Variants in AGO2 observed in about 807,000 individuals in gnomAD.
AGO2 encodes the protein argonaute RISC catalytic component 2.
Under a neutral mutation model 102.3 loss-of-function variants are expected in AGO2, and 5 were observed. That is an observed-to-expected ratio of 0.05 (90% CI 0.03 to 0.10). The LOEUF is 0.10. Among genes scored for constraint, AGO2 ranks in the 10% least tolerant of loss-of-function variants. The pLI is 1.00. For missense variants in AGO2, 541 were observed against 1,183.7 expected (o/e 0.46, Z 7.97); for synonymous variants, 449 against 473.1 (o/e 0.95, Z 0.66).
intron 10 of AGO2, chr8:140,555,687 T>A: frequency 1.5e-6 from 1 of 664,902 alleles, no homozygotes; most frequent in East Asian, 3.0e-5. Flanking sequence ...TCTGAAAACA[T>A]TAAGGATAAT....
intron 2 of AGO2, among the ~76,000 whole-genome samples, chr8:140,578,731 A>G (rs995222508): frequency 6.6e-6 from 1 of 152,250 alleles, no homozygotes. Flanking sequence ...CCAAGCTGTT[A>G]GTGCTCGTTC....
Position 140,528,877 on chromosome 8 carries a change from C to A in AGO2, c.*3167G>T, listed in dbSNP as rs1417102381. The A allele has an allele frequency of 6.6e-6, 1 of 152,158 alleles. No homozygotes were observed. The highest frequency in any genetic ancestry group is 1.5e-5 in the Non-Finnish European group (1 of 68,036). The allele number at this position is 152,158 out of a possible 1,614,324, so 9.4% of individuals were successfully genotyped here. A position where few individuals can be genotyped will look rare whatever the true frequency, so the allele number is the denominator to read the frequency against. On this transcript the variant is annotated 3_prime_UTR_variant, in exon 19 of 19. Coordinates refer to ENST00000220592, the MANE Select transcript of AGO2 (RefSeq NM_012154.5). This position sits in a 1 kb window ranked among gnomAD's most constrained non-coding sequence, Gnocchi z 4.5. ...AGCTTTCCACCGCTCCCCTGGTGTTCGTTAATTGCGTCGTCATTACAGCAA... is the reference window on the plus strand; with the variant it reads ...AGCTTTCCACCGCTCCCCTGGTGTTAGTTAATTGCGTCGTCATTACAGCAA...
chr8:140,593,909 C>G (rs1284914054), intron 1 of AGO2, among the ~76,000 whole-genome samples: 1 of 152,210 alleles, frequency 6.6e-6, no homozygotes, highest in Non-Finnish European at 1.5e-5. Flanking sequence ...ATGCTTAAAT[C>G]AAACAAAAGG....
At chr8:140,535,372 C>T in intron 17 of AGO2, 96 bp downstream of exon 17, 6 of 1,325,794 alleles carry the variant, frequency 4.5e-6, no homozygotes, top group Non-Finnish European at 3.2e-6. Flanking sequence ...CCTCACACCA[C>T]ATCCCACGTG....
Position 140,589,009 on chromosome 8 carries a change from C to T in AGO2, c.23-3698G>A, listed in dbSNP as rs2073706703. Reference sequence around the variant, plus strand: ...GCTTCCTGTGTGAGCAACTGGGTCACAGGGAACAAAAAATTTCAGTATACA... The same window carrying T: ...GCTTCCTGTGTGAGCAACTGGGTCATAGGGAACAAAAAATTTCAGTATACA... On this transcript the variant is annotated intron_variant, in intron 1 of 18. Transcript: ENST00000220592. This position sits in a 1 kb window ranked among gnomAD's most constrained non-coding sequence, Gnocchi z 4.2. Among the ~76,000 whole-genome samples the T allele has an allele frequency of 6.6e-6, 1 of 152,196 alleles. No individual in the cohort carries two copies.
intron 4 of AGO2, among the ~76,000 whole-genome samples, chr8:140,561,877 G>T (rs1253707352): frequency 5.3e-5 from 8 of 152,230 alleles, no homozygotes; most frequent in Non-Finnish European, 2.9e-5. Context: ...GGGCTGACGC[G>T]CTGAGCTGGC....
chr8:140,624,884 A>G (rs1210913391), intron 1 of AGO2, among the ~76,000 whole-genome samples: 2 of 152,188 alleles, frequency 1.3e-5, no homozygotes, highest in Non-Finnish European at 2.9e-5. Flanking sequence ...CATCAACCAC[A>G]GACAGACCAT....
chr8:140,552,632 T>C (rs1290444242), intron 10 of AGO2, among the ~76,000 whole-genome samples: 1 of 152,182 alleles, frequency 6.6e-6, no homozygotes, highest in African/African-American at 2.4e-5. Context: ...CCTCCCTGTG[T>C]GCAAGAGTCT....
rs1356136282 is a variant in AGO2, at chr8:140,567,530, A to C, written c.337-4896T>G. Among the ~76,000 whole-genome samples the C allele has an allele frequency of 6.6e-6, 1 of 152,240 alleles. No individual in the cohort carries two copies. The highest frequency in any genetic ancestry group is 1.5e-5 in the Non-Finnish European group (1 of 68,034). On this transcript the variant is annotated intron_variant, in intron 3 of 18. Transcript: ENST00000220592. This position sits in a 1 kb window ranked among gnomAD's most constrained non-coding sequence, Gnocchi z 5.0. ...GTTGGCTTCCTGCACACAAGGGGAC[A>C]AGCAGGTGGCCCCGCCCACCTCACA...
At chr8:140,590,720 G>C (rs2073735821) in intron 1 of AGO2, among the ~76,000 whole-genome samples, 1 of 152,176 alleles carries the variant, frequency 6.6e-6, no homozygotes, top group Non-Finnish European at 1.5e-5. Flanking sequence ...GTGCTCCTCG[G>C]AACCAGGGGC....
At chr8:140,563,403 T>A (rs1400791066) in intron 3 of AGO2, among the ~76,000 whole-genome samples, 2 of 152,148 alleles carry the variant, frequency 1.3e-5, no homozygotes, top group Non-Finnish European at 1.5e-5. Context: ...GCTAATTTTT[T>A]AATTTTTAAT....
At chr8:140,599,128 G>A (rs550701212) in intron 1 of AGO2, among the ~76,000 whole-genome samples, 2 of 152,240 alleles carry the variant, frequency 1.3e-5, no homozygotes, top group South Asian at 2.1e-4. Context: ...GTTAAAATCC[G>A]GCAGGATGCA....
At chr8:140,553,116 A>T (rs2132918592) in intron 10 of AGO2, among the ~76,000 whole-genome samples, 1 of 152,338 alleles carries the variant, frequency 6.6e-6, no homozygotes, top group East Asian at 1.9e-4. Flanking sequence ...TTACACGCTC[A>T]GTCAGGTGCA....
At chr8:140,610,003 G>C (rs1240279268) in intron 1 of AGO2, among the ~76,000 whole-genome samples, 1 of 143,786 alleles carries the variant, frequency 7.0e-6, no homozygotes, top group African/African-American at 2.6e-5. Flanking sequence ...AAACCAGCCT[G>C]GGAAATACAG....
At chr8:140,630,852 C>T (rs530878921) in intron 1 of AGO2, among the ~76,000 whole-genome samples, 2 of 152,296 alleles carry the variant, frequency 1.3e-5, no homozygotes, top group East Asian at 1.9e-4. Context: ...CAACACTCTG[C>T]GTAACAGCCT....
At chr8:140,550,274 C>T (rs146409104) in intron 11 of AGO2, among the ~76,000 whole-genome samples, 401 of 152,328 alleles carry the variant, frequency 2.6e-3, no homozygotes, top group Non-Finnish European at 4.4e-3. Context: ...GTTAAGGGAC[C>T]GGCTACACCT....
Position 140,532,400 on chromosome 8 carries a change from C to A in AGO2, c.2471+16G>T. ...AACCACCCCTGCTGTGACCTCCAGC[C>A]AGGCATGCCACTCACCTGTCATGTT... On this transcript the variant is annotated intron_variant, in intron 18 of 18. Transcript: ENST00000220592. The A allele has an allele frequency of 6.2e-7, 1 of 1,605,352 alleles. No homozygotes were observed. The highest frequency in any genetic ancestry group is 2.2e-5 in the East Asian group (1 of 44,626).
intron 1 of AGO2, among the ~76,000 whole-genome samples, chr8:140,624,697 G>C (rs1437218484): frequency 6.6e-6 from 1 of 152,264 alleles, no homozygotes; most frequent in Non-Finnish European, 1.5e-5. Flanking sequence ...CCCCGGCTGG[G>C]AGGAAGGGTT....
At chr8:140,537,418 C>T (rs1028438473) in intron 16 of AGO2, among the ~76,000 whole-genome samples, 1 of 152,042 alleles carries the variant, frequency 6.6e-6, no homozygotes, top group East Asian at 1.9e-4. Context: ...TCTCCTGCCT[C>T]AGCCTCCTGA....
Sources: gnomAD v4.1 joint callset for allele counts (sites outside exome capture counted in the v4.1 genomes callset) on GRCh38, gnomAD v4.1.1 for gene constraint, Gnocchi (gnomAD v3.1) non-coding constraint, MANE v1.5 for transcripts, NCBI Gene and HGNC (gene_info 2026-07-23, HGNC 2026-07-21) for gene names.